The following CACUL1 variants were observed in gnomAD, a reference collection of about 807,000 sequenced individuals.
CACUL1 encodes the protein CDK2 associated cullin domain 1.
Under a neutral mutation model 45.2 loss-of-function variants are expected in CACUL1, and 13 were observed. The observed-to-expected ratio is 0.29, with a 90% CI of 0.19 to 0.46. CACUL1 has a LOEUF of 0.46. Ranked by LOEUF, CACUL1 falls within the 20% of genes least tolerant of loss-of-function variation. The probability of loss-of-function intolerance (pLI) is 1.00; values close to 1 mark genes in which losing one functional copy is unlikely to be tolerated. For synonymous variants in CACUL1, 197 were observed against 174.2 expected (o/e 1.13, Z -1.03); for missense variants, 421 against 471.4 (o/e 0.89, Z 0.99).
At chr10:118,709,675 C>T (rs1393083622) in intron 3 of CACUL1, among the ~76,000 whole-genome samples, 1 of 152,156 alleles carries the variant, frequency 6.6e-6, no homozygotes, top group Non-Finnish European at 1.5e-5. Flanking sequence ...TGGAAGGATT[C>T]CTAAATATTA....
intron 1 of CACUL1, among the ~76,000 whole-genome samples, chr10:118,740,795 A>C (rs1027442367): frequency 6.6e-6 from 1 of 151,836 alleles, no homozygotes; most frequent in South Asian, 2.1e-4. Flanking sequence ...GCGTGGTGGC[A>C]GGCGCCTGTA....
intron 3 of CACUL1, among the ~76,000 whole-genome samples, chr10:118,722,558 A>G (rs1298267223): frequency 6.6e-6 from 1 of 152,194 alleles, no homozygotes; most frequent in Non-Finnish European, 1.5e-5. Context: ...CATCTCGGTT[A>G]TCAGTTCAAC....
At chr10:118,737,638 A>T (rs1331239174) in intron 1 of CACUL1, among the ~76,000 whole-genome samples, 2 of 151,890 alleles carry the variant, frequency 1.3e-5, no homozygotes, top group African/African-American at 4.8e-5. Context: ...ACATTTTTCA[A>T]TTAGAGGAAA....
At chr10:118,722,957 G>C (rs1297610977) in intron 3 of CACUL1, among the ~76,000 whole-genome samples, 1 of 152,122 alleles carries the variant, frequency 6.6e-6, no homozygotes, top group Non-Finnish European at 1.5e-5. Flanking sequence ...TCTGCATACT[G>C]CCCTTAATTT....
rs2119556599 is a variant in CACUL1 at position 118,693,869 on chromosome 10, C to T, written c.886+1272G>A. On this transcript the variant is annotated intron_variant, in intron 6 of 8. Coordinates refer to ENST00000369151, the MANE Select transcript of CACUL1 (RefSeq NM_153810.5). ...GCTCAAACCCTAGATCCAAATTTAA[C>T]AATAAATTTGAATACTCTAGATGTC... is the stretch of plus-strand genomic sequence containing the variant. The T allele has an allele frequency of 1.0e-5, 4 of 397,968 alleles. 1 individual carries two copies. Among genetic ancestry groups the T allele is most frequent in the South Asian group, 7.5e-5 (4 of 53,680 alleles). 24.7% of individuals were successfully genotyped at this position (397,968 alleles called of 1,614,324 possible).
At chr10:118,748,726 A>T (rs1216767817) in intron 1 of CACUL1, among the ~76,000 whole-genome samples, 1 of 152,180 alleles carries the variant, frequency 6.6e-6, no homozygotes, top group Admixed American at 6.5e-5. Flanking sequence ...CTGAAATCCA[A>T]AACACTTCTG....
chr10:118,686,359 G>A lies in CACUL1; in HGVS notation c.1070-191C>T, dbSNP rs558132043. On this transcript the variant is annotated intron_variant, in intron 8 of 8. Coordinates refer to ENST00000369151, the MANE Select transcript of CACUL1 (RefSeq NM_153810.5). ...TGAGAACCTAAGGAACTGGGACTGG[G>A]CTACGATGTCATCCCAGTAGAAACT... Among the ~76,000 whole-genome samples, 77 of 152,286 alleles carry A rather than the reference G, an allele frequency of 5.1e-4. No individual in the cohort carries two copies. The South Asian group carries it at 0.016, about 32-fold the overall frequency.
At chr10:118,707,439 G>T in intron 4 of CACUL1, 53 bp downstream of exon 4, 1 of 822,232 alleles carries the variant, frequency 1.2e-6, no homozygotes. Flanking sequence ...ATCTATTTGT[G>T]CTCTCAACAA....
intron 6 of CACUL1, chr10:118,692,624 G>C (rs532943365): frequency 1.3e-5 from 2 of 152,244 alleles, no homozygotes; most frequent in East Asian, 3.9e-4. Flanking sequence ...TACTCATTTT[G>C]AATTGTTTTA....
At chr10:118,743,459 G>T (rs1845811029) in intron 1 of CACUL1, among the ~76,000 whole-genome samples, 1 of 152,114 alleles carries the variant, frequency 6.6e-6, no homozygotes, top group Non-Finnish European at 1.5e-5. Context: ...ACAAAGATAA[G>T]ACTATACACA....
intron 1 of CACUL1, among the ~76,000 whole-genome samples, chr10:118,750,343 G>C (rs891183559): frequency 1.3e-5 from 2 of 152,024 alleles, no homozygotes; most frequent in African/African-American, 4.8e-5. Flanking sequence ...AAGGAATGGT[G>C]ATAATTATGA....
intron 3 of CACUL1, among the ~76,000 whole-genome samples, chr10:118,715,220 A>G (rs1174714620): frequency 6.6e-6 from 1 of 152,230 alleles, no homozygotes; most frequent in African/African-American, 2.4e-5. Context: ...ATATATACAC[A>G]TACATGGTCC....
At position 118,683,023 on chromosome 10, in the gene CACUL1, C is replaced by T. The variant is rs1243991491; in HGVS notation, c.*3105G>A. The T allele has an allele frequency of 6.6e-6, 1 of 151,970 alleles. No homozygotes were observed. Among genetic ancestry groups the T allele is most frequent in the Admixed American group, 6.6e-5 (1 of 15,264 alleles). The allele number at this position is 151,970 out of a possible 1,614,324, so 9.4% of individuals were successfully genotyped here. A position where few individuals can be genotyped will look rare whatever the true frequency, so the allele number is the denominator to read the frequency against. Reference sequence around the variant, plus strand: ...ACAACACCAGGTTTTGCTTTCTGCCCCACAAAAAAACAGTAGTTAATTCCT... The same window carrying T: ...ACAACACCAGGTTTTGCTTTCTGCCTCACAAAAAAACAGTAGTTAATTCCT... On this transcript the variant is annotated 3_prime_UTR_variant, in exon 9 of 9. Transcript: ENST00000369151.
At chr10:118,690,874 C>T (rs544612989) in intron 7 of CACUL1, among the ~76,000 whole-genome samples, 3 of 152,276 alleles carry the variant, frequency 2.0e-5, no homozygotes, top group African/African-American at 7.2e-5. Flanking sequence ...GGTGAAACCC[C>T]ATCTCTACTA....
intron 3 of CACUL1, among the ~76,000 whole-genome samples, chr10:118,725,437 T>C (rs72641394): frequency 0.18 from 27,483 of 152,120 alleles, 3,145 homozygotes; most frequent in African/African-American, 0.3. Flanking sequence ...CACTGCACTC[T>C]AGTCTAGGTA....
At chr10:118,687,717 C>T (rs904879657) in intron 7 of CACUL1, among the ~76,000 whole-genome samples, 1 of 152,242 alleles carries the variant, frequency 6.6e-6, no homozygotes, top group Non-Finnish European at 1.5e-5. Flanking sequence ...CTTTCCTCCA[C>T]TCTCTGCCTC....
At chr10:118,717,478 A>G (rs34035326) in intron 3 of CACUL1, among the ~76,000 whole-genome samples, 36,884 of 152,062 alleles carry the variant, frequency 0.24, 5,649 homozygotes, top group South Asian at 0.37. Context: ...CATCACTCCC[A>G]CTCTTATGGT....
intron 1 of CACUL1, among the ~76,000 whole-genome samples, chr10:118,748,021 G>C (rs904981645): frequency 2.0e-5 from 3 of 152,088 alleles, no homozygotes; most frequent in African/African-American, 2.4e-5. Flanking sequence ...GGAGCCAGAG[G>C]TTGCAGTGAG....
At chr10:118,745,213 C>T (rs989743386) in intron 1 of CACUL1, among the ~76,000 whole-genome samples, 3 of 151,998 alleles carry the variant, frequency 2.0e-5, no homozygotes, top group African/African-American at 7.3e-5. Context: ...AACAACCATG[C>T]TAATAAGCCA....
Sources: allele counts gnomAD v4.1 joint callset (sites outside exome capture counted in the v4.1 genomes callset), GRCh38; gene constraint gnomAD v4.1.1; transcripts MANE v1.5; gene names NCBI Gene and HGNC (gene_info 2026-07-23, HGNC 2026-07-21).